Variants in DMD observed in about 807,000 individuals in gnomAD.
DMD encodes dystrophin.
A neutral mutation model predicts 330.1 loss-of-function variants in DMD; 63 were observed. The ratio of observed to expected loss-of-function variants is 0.19; its 90% CI spans 0.16 to 0.24. DMD has a LOEUF of 0.24. Among genes scored for constraint, DMD ranks in the 10% least tolerant of loss-of-function variants. The pLI, the probability that DMD is intolerant of heterozygous loss-of-function variation, is 1.00. For missense variants in DMD, 3,344 were observed against 2,684.1 expected, an observed-to-expected ratio of 1.25 and a Z score of -5.43; for synonymous variants, 1,223 against 959.8, an observed-to-expected ratio of 1.27 and a Z score of -5.07.
At chrX:31,778,988 T>A (rs1055750106) in intron 50 of DMD, among the ~76,000 whole-genome samples, 2 of 112,038 alleles carry the variant, frequency 1.8e-5, no homozygotes, top group African/African-American at 6.5e-5. Context: ...ACTAGAAATA[T>A]ATGCAAATCA....
intron 44 of DMD, among the ~76,000 whole-genome samples, chrX:32,069,054 A>G (rs148286578): frequency 0.045 from 5,048 of 111,829 alleles, 286 homozygotes; most frequent in African/African-American, 0.15. Context: ...TGAAATGTTA[A>G]AAGTTTGGGG....
At chrX:32,907,660 A>G (rs773576597) in intron 2 of DMD, among the ~76,000 whole-genome samples, 4 of 112,066 alleles carry the variant, frequency 3.6e-5, no homozygotes, top group Admixed American at 9.5e-5. Context: ...GGAATTGGGT[A>G]ACGAGATCAC....
At chrX:31,504,461 G>A (rs1323494818) in intron 56 of DMD, among the ~76,000 whole-genome samples, 1 of 111,853 alleles carries the variant, frequency 8.9e-6, no homozygotes, top group African/African-American at 3.2e-5. Flanking sequence ...TGGGCCAACT[G>A]TAATTTTTTA....
At position 31,877,653 on chromosome X, in the gene DMD, G is replaced by A. The variant is rs371696059; in HGVS notation, c.6913-2280C>T. 1.0e-4 allele frequency among the ~76,000 whole-genome samples: 10 copies of A among 96,814 alleles called. No individual in the cohort carries two copies. In the South Asian group the frequency reaches 4.6e-3, roughly 44 times the overall value. The allele number at this position is 96,814 out of a possible 115,157, so 84.1% of individuals were successfully genotyped here. ...TGAGTTCACATCCATAACTACACCT[G>A]TGGTGCTGAACTCTTGTGTGTGTGT... On this transcript the variant is annotated intron_variant, in intron 47 of 78. Transcript: ENST00000357033.
In DMD at chrX:31,411,519, C is replaced by G. The variant is rs762871586; in HGVS notation, c.9084+32962G>C. On this transcript the variant is annotated intron_variant, in intron 60 of 78. Transcript: ENST00000357033. ...GGGTGTACATTGTATATATTGGTCA[C>G]TTTTGTATGTCATTTTGGACTTAAA... is the stretch of plus-strand genomic sequence containing the variant. 6.2e-5 allele frequency among the ~76,000 whole-genome samples: 7 copies of G among 112,152 alleles called. No homozygotes were observed. The South Asian group carries it at 2.6e-3, about 42-fold the overall frequency.
At chrX:31,240,317 A>G (rs900489852) in intron 63 of DMD, among the ~76,000 whole-genome samples, 4 of 112,196 alleles carry the variant, frequency 3.6e-5, no homozygotes, top group African/African-American at 1.3e-4. Flanking sequence ...GTATGTTTGT[A>G]TATGCAAAAA....
chrX:32,852,317 A>T (rs2081203260), intron 2 of DMD, among the ~76,000 whole-genome samples: 1 of 111,318 alleles, frequency 9.0e-6, no homozygotes, highest in Admixed American at 9.5e-5. Flanking sequence ...CCTTGAAGAG[A>T]AGAATCCAGT....
intron 55 of DMD, among the ~76,000 whole-genome samples, chrX:31,520,531 G>C (rs372942689): frequency 4.5e-5 from 5 of 111,393 alleles, no homozygotes; most frequent in African/African-American, 1.6e-4. Context: ...CTTTATAGCA[G>C]TGTGAAACGA....
chrX:32,877,484 A>T (rs2083466486), intron 2 of DMD, among the ~76,000 whole-genome samples: 3 of 112,433 alleles, frequency 2.7e-5, no homozygotes, highest in Admixed American at 9.4e-5. Context: ...ATGTTTCAAA[A>T]TTATTCAGGT....
At chrX:32,563,017 G>A (rs974775693) in intron 16 of DMD, among the ~76,000 whole-genome samples, 1 of 111,259 alleles carries the variant, frequency 9.0e-6, no homozygotes, top group Non-Finnish European at 1.9e-5. Context: ...CCCACAATAG[G>A]AGCGTGTAAC....
At chrX:31,801,574 TC>T (rs1454614556) in intron 50 of DMD, among the ~76,000 whole-genome samples, 2 of 85,802 alleles carry the variant, frequency 2.3e-5, no homozygotes, top group Non-Finnish European at 4.5e-5. Flanking sequence ...ATCTTAAGTG[TC>T]CTCATCCCCC....
intron 30 of DMD, among the ~76,000 whole-genome samples, chrX:32,407,055 A>G (rs1163788468): frequency 1.8e-5 from 2 of 111,525 alleles, no homozygotes; most frequent in African/African-American, 6.5e-5. Flanking sequence ...CATTCAGGAC[A>G]TAGGCACGGG....
intron 1 of DMD, among the ~76,000 whole-genome samples, chrX:33,207,405 A>G (rs2051642530): frequency 9.0e-6 from 1 of 111,397 alleles, no homozygotes; most frequent in Non-Finnish European, 1.9e-5. Context: ...ATGAAAAAAT[A>G]AACAAAATCA....
chrX:32,885,827 G>GAGAAA (rs1557115362), intron 2 of DMD, among the ~76,000 whole-genome samples: 28 of 64,942 alleles, frequency 4.3e-4, no homozygotes, highest in African/African-American at 1.4e-3. Context: ...CCTTGAGGGG[G>GAGAAA]AAAAAAAAAA....
chrX:31,144,127 T>C (rs2036407330), intron 76 of DMD, among the ~76,000 whole-genome samples: 2 of 112,080 alleles, frequency 1.8e-5, no homozygotes, highest in Non-Finnish European at 3.8e-5. Context: ...TCCTACAAGA[T>C]TTGGCTTCTC....
chrX:31,446,290 A>C (rs1258090337), intron 59 of DMD, among the ~76,000 whole-genome samples: 1 of 112,219 alleles, frequency 8.9e-6, no homozygotes, highest in Non-Finnish European at 1.9e-5. Context: ...ACGTTAAGCA[A>C]TCAGGGGGTT....
At chrX:32,398,689 T>A (rs964971185) in intron 30 of DMD, among the ~76,000 whole-genome samples, 2 of 111,634 alleles carry the variant, frequency 1.8e-5, no homozygotes, top group African/African-American at 6.5e-5. Flanking sequence ...GAGTTCATTA[T>A]AATAATGTAT....
intron 52 of DMD, among the ~76,000 whole-genome samples, chrX:31,690,916 AAT>A (rs1246309121): frequency 9.0e-6 from 1 of 110,671 alleles, no homozygotes; most frequent in East Asian, 2.9e-4. Flanking sequence ...GGAATTGAAC[AAT>A]GAGAACACCT....
Position 32,127,526 on chromosome X carries a change from C to A in DMD, c.6438+89390G>T, listed in dbSNP as rs747509693. Among the ~76,000 whole-genome samples, 4 of 111,248 alleles carry A rather than the reference C, an allele frequency of 3.6e-5. No homozygotes were observed. In the Admixed American group the frequency reaches 3.9e-4, roughly 11 times the overall value. ...TTTTTACTTCTCTAACTCGAATGAACCCCCACTCCTTCTCCCTCCTTCTTG... is the reference window on the plus strand; with the variant it reads ...TTTTTACTTCTCTAACTCGAATGAAACCCCACTCCTTCTCCCTCCTTCTTG... On this transcript the variant is annotated intron_variant, in intron 44 of 78. Coordinates refer to ENST00000357033, the MANE Select transcript of DMD (RefSeq NM_004006.3).
Sources: gnomAD v4.1 joint callset for allele counts (sites outside exome capture counted in the v4.1 genomes callset) on GRCh38, gnomAD v4.1.1 for gene constraint, MANE v1.5 for transcripts, NCBI Gene and HGNC (gene_info 2026-07-23, HGNC 2026-07-21) for gene names.